Variants in OR1L6 observed in about 807,000 individuals in gnomAD.
The protein encoded by OR1L6 is olfactory receptor 1L6.
OR1L6 carries 2 observed loss-of-function variants against 3.0 expected under a neutral mutation model. That is an observed-to-expected ratio of 0.68 (90% CI 0.28 to 2.13). The LOEUF is 2.13. OR1L6 is among the 30% of genes most tolerant of loss of function. The pLI is 0.14. For synonymous variants in OR1L6, 121 were observed against 148.4 expected (o/e 0.82, Z 1.34); for missense variants, 304 against 378.4 (o/e 0.80, Z 1.63).
chr9:122,743,244 T>G (rs967054487), intron 1 of OR1L6, among the ~76,000 whole-genome samples: 12 of 152,084 alleles, frequency 7.9e-5, no homozygotes, highest in Admixed American at 7.2e-4. Context: ...AATCAGTGAT[T>G]CCCAGGAGAA....
chr9:122,749,958 G>A lies in OR1L6; in HGVS notation c.111G>A (p.Leu37=), dbSNP rs752394042. The change falls in exon 2 of 2, where the codon CTG becomes CTA. Residue 37 remains leucine, a synonymous_variant. Transcript: ENST00000304720. ...PLFAIFLIMY[L]LAAVGNVLII... is the part of the protein sequence containing the mutation. ...TTGCCATCTTCCTCATCATGTACCT[G>A]CTCGCTGCGGTGGGGAATGTGCTCA... 2.9e-5 allele frequency: 46 copies of A among 1,613,964 alleles called. No individual in the cohort carries two copies. Among genetic ancestry groups the A allele is most frequent in the African/African-American group, 5.3e-5 (4 of 74,888 alleles).
chr9:122,742,459 T>C (rs1298548409), intron 1 of OR1L6, 86 bp downstream of exon 1: 1 of 152,232 alleles, frequency 6.6e-6, no homozygotes, highest in Non-Finnish European at 1.5e-5. Flanking sequence ...ATCCTGTTTT[T>C]CTCTCCTCCA....
chr9:122,742,662 T>C (rs1486547856), intron 1 of OR1L6, among the ~76,000 whole-genome samples: 2 of 152,164 alleles, frequency 1.3e-5, no homozygotes, highest in African/African-American at 4.8e-5. Flanking sequence ...GAGGAACAAG[T>C]GAACAAGATA....
intron 1 of OR1L6, among the ~76,000 whole-genome samples, chr9:122,744,137 G>A (rs1188069406): frequency 6.6e-6 from 1 of 152,228 alleles, no homozygotes; most frequent in African/African-American, 2.4e-5. Flanking sequence ...AATGAAACAA[G>A]TGGTAAGCAC....
chr9:122,746,003 C>T (rs893875199), intron 1 of OR1L6, among the ~76,000 whole-genome samples: 14 of 152,180 alleles, frequency 9.2e-5, no homozygotes, highest in Admixed American at 3.9e-4. Flanking sequence ...CATATTTGTC[C>T]TAATGCTCTC....
chr9:122,748,052 T>G (rs1039966955), intron 1 of OR1L6, among the ~76,000 whole-genome samples: 4 of 152,278 alleles, frequency 2.6e-5, no homozygotes, highest in African/African-American at 9.6e-5. Context: ...CTTTAAAAAC[T>G]AATCACAGTA....
Position 122,750,551 on chromosome 9 carries a change from A to G in OR1L6, c.704A>G (p.Lys235Arg), listed in dbSNP as rs1588015862. 3.1e-6 allele frequency: 5 copies of G among 1,609,302 alleles called. No individual in the cohort carries two copies. The highest frequency in any genetic ancestry group is 4.3e-6 in the Non-Finnish European group (5 of 1,176,304). Residue 235 changes from lysine to arginine, a missense_variant, in exon 2 of 2, where the codon AAG becomes AGG. Physicochemically the swap from Lys to Arg is conservative, Grantham distance 26 (BLOSUM62 2). Around this residue, in one of 3 missense-constraint regions of OR1L6, gnomAD observed 21 missense variants for 47.9 expected, o/e 0.44. Transcript: ENST00000304720. ...TVLRIPSAAG[K>R]WKAFSTCGSH... ...CTCAGAATCCCCTCTGCAGCCGGGA[A>G]GTGGAAGGCCTTCTCTACCTGTGGC...
At chr9:122,746,044 C>G (rs1461845751) in intron 1 of OR1L6, among the ~76,000 whole-genome samples, 2 of 152,092 alleles carry the variant, frequency 1.3e-5, no homozygotes, top group Non-Finnish European at 2.9e-5. Flanking sequence ...CCCGACAGCC[C>G]TGGTGTGTGA....
At chr9:122,744,151 CTCTG>C (rs1241243751) in intron 1 of OR1L6, among the ~76,000 whole-genome samples, 1 of 152,190 alleles carries the variant, frequency 6.6e-6, no homozygotes, top group African/African-American at 2.4e-5. Context: ...TAAGCACAGA[CTCTG>C]TCTAATAAAT....
Position 122,750,330 on chromosome 9 carries a change from G to T in OR1L6, c.483G>T (p.Val161=). 6.2e-7 allele frequency: 1 copy of T among 1,613,794 alleles called. No homozygotes were observed. Among genetic ancestry groups the T allele is most frequent in the Non-Finnish European group, 8.5e-7 (1 of 1,179,904 alleles). ...CCCACCTACATTCCCTGTTCCGCGT[G>T]CTACTTATGTCTCGCTTGTCTTTCT... is the stretch of plus-strand genomic sequence containing the variant. The part of the protein sequence containing the change: ...SISHLHSLFR[V]LLMSRLSFCA... The change falls in exon 2 of 2, where the codon GTG becomes GTT. Residue 161 remains valine (V), a synonymous_variant. Coordinates refer to ENST00000304720, the MANE Select transcript of OR1L6 (RefSeq NM_001004453.3).
chr9:122,742,929 C>A (rs953146598), intron 1 of OR1L6, among the ~76,000 whole-genome samples: 1 of 152,280 alleles, frequency 6.6e-6, no homozygotes, highest in African/African-American at 2.4e-5. Flanking sequence ...CTGGGCCCCT[C>A]CAGATATTGT....
intron 1 of OR1L6, among the ~76,000 whole-genome samples, chr9:122,744,732 A>G (rs1270420109): frequency 6.6e-6 from 1 of 152,200 alleles, no homozygotes; most frequent in Non-Finnish European, 1.5e-5. Flanking sequence ...CACTTGCAGT[A>G]GAGTTTGCCA....
At chr9:122,745,464 G>A (rs1430892756) in intron 1 of OR1L6, among the ~76,000 whole-genome samples, 1 of 129,764 alleles carries the variant, frequency 7.7e-6, no homozygotes, top group Non-Finnish European at 1.6e-5. Context: ...CCAGACTGGA[G>A]TGCAGTGGCG....
At chr9:122,748,898 G>A (rs530896656) in intron 1 of OR1L6, among the ~76,000 whole-genome samples, 66 of 152,072 alleles carry the variant, frequency 4.3e-4, no homozygotes, top group Non-Finnish European at 8.1e-4. Flanking sequence ...CAAATGACAC[G>A]ATTTCATTAT....
In OR1L6 at chr9:122,750,533, T is replaced by A. The variant is rs1828884219; in HGVS notation, c.686T>A (p.Ile229Asn). 1 of 1,501,018 alleles carries A rather than the reference T, an allele frequency of 6.7e-7. No individual in the cohort carries two copies. Among genetic ancestry groups the A allele is most frequent in the Non-Finnish European group, 9.2e-7 (1 of 1,082,792 alleles). The allele number at this position is 1,501,018 out of a possible 1,614,324, so 93.0% of individuals were successfully genotyped here. A position where few individuals can be genotyped will look rare whatever the true frequency, so the allele number is the denominator to read the frequency against. Residue 229 changes from isoleucine (I) to asparagine (N), a missense_variant, in exon 2 of 2, where the codon ATC (isoleucine) becomes AAC (asparagine). Ile to Asn is a moderately radical substitution (Grantham distance 149, BLOSUM62 -3). Transcript: ENST00000304720. Reference sequence around the variant, plus strand: ...CGAATCATGGTCACTGTGCTCAGAATCCCCTCTGCAGCCGGGAAGTGGAAG... The same window carrying A: ...CGAATCATGGTCACTGTGCTCAGAAACCCCTCTGCAGCCGGGAAGTGGAAG... Reference protein sequence around the residue: ...YLRIMVTVLRIPSAAGKWKAF... With the variant: ...YLRIMVTVLRNPSAAGKWKAF...
chr9:122,744,686 A>C (rs961236199), intron 1 of OR1L6, among the ~76,000 whole-genome samples: 8 of 152,106 alleles, frequency 5.3e-5, no homozygotes, highest in African/African-American at 1.7e-4. Flanking sequence ...TTAAAATGTC[A>C]TTTCTCTAGC....
chr9:122,747,431 C>A (rs1406544708), intron 1 of OR1L6, among the ~76,000 whole-genome samples: 3 of 151,880 alleles, frequency 2.0e-5, no homozygotes, highest in African/African-American at 7.2e-5. Flanking sequence ...GCCATTTATT[C>A]ATCTAGGTGA....
intron 1 of OR1L6, among the ~76,000 whole-genome samples, chr9:122,742,744 C>T (rs879526506): frequency 2.1e-4 from 32 of 152,196 alleles, no homozygotes; most frequent in Admixed American, 7.2e-4. Context: ...TGTTCTTAGG[C>T]AAGTCACTTC....
At chr9:122,746,879 T>C (rs1828842991) in intron 1 of OR1L6, among the ~76,000 whole-genome samples, 1 of 152,168 alleles carries the variant, frequency 6.6e-6, no homozygotes, top group South Asian at 2.1e-4. Flanking sequence ...ATTGAGTCAA[T>C]AGTTTCTATT....
Sources: allele counts gnomAD v4.1 joint callset (sites outside exome capture counted in the v4.1 genomes callset), GRCh38; gene constraint gnomAD v4.1.1; regional missense constraint gnomAD v4.1.1; transcripts MANE v1.5; gene names NCBI Gene and HGNC (gene_info 2026-07-23, HGNC 2026-07-21).